ATP9B: variants seen among roughly 807,000 people sequenced by gnomAD.
The protein encoded by ATP9B is probable phospholipid-transporting ATPase IIB.
Under a neutral mutation model 146.1 loss-of-function variants are expected in ATP9B, and 110 were observed. The observed-to-expected ratio is 0.75, with a 90% CI of 0.65 to 0.88. ATP9B has a LOEUF of 0.88. ATP9B is among the 40% of genes least tolerant of loss of function. The pLI, the probability that ATP9B is intolerant of heterozygous loss-of-function variation, is 0.00. For synonymous variants in ATP9B, 604 were observed against 569.7 expected, an observed-to-expected ratio of 1.06 and a Z score of -0.86; for missense variants, 1,499 against 1,496.4, an observed-to-expected ratio of 1.00 and a Z score of -0.03.
At chr18:79,236,518 G>C (rs1169384156) in intron 11 of ATP9B, among the ~76,000 whole-genome samples, 1 of 152,152 alleles carries the variant, frequency 6.6e-6, no homozygotes, top group Non-Finnish European at 1.5e-5. Flanking sequence ...TGTAGGTCAT[G>C]AAGATACTCT....
chr18:79,088,756 C>T (rs931385866), intron 1 of ATP9B, among the ~76,000 whole-genome samples: 2 of 152,168 alleles, frequency 1.3e-5, no homozygotes, highest in Non-Finnish European at 2.9e-5. Context: ...GGATACTATG[C>T]TTTTTGCCAT....
At chr18:79,206,670 G>A (rs2095537147) in intron 9 of ATP9B, among the ~76,000 whole-genome samples, 1 of 149,118 alleles carries the variant, frequency 6.7e-6, no homozygotes, top group African/African-American at 2.5e-5. Context: ...ATATTAGAAG[G>A]TATAGTACTT....
intron 7 of ATP9B, among the ~76,000 whole-genome samples, chr18:79,172,108 C>G (rs974545863): frequency 5.3e-5 from 8 of 152,228 alleles, no homozygotes; most frequent in South Asian, 2.1e-4. Flanking sequence ...AGGCTGGTCT[C>G]GAGCTCCTGA....
chr18:79,261,733 G>C (rs932551197), intron 12 of ATP9B, among the ~76,000 whole-genome samples: 1 of 152,148 alleles, frequency 6.6e-6, no homozygotes, highest in Non-Finnish European at 1.5e-5. Flanking sequence ...GCGTCAGGAA[G>C]GGTGAGATGC....
At chr18:79,088,216 G>T (rs540486040) in intron 1 of ATP9B, among the ~76,000 whole-genome samples, 14 of 152,150 alleles carry the variant, frequency 9.2e-5, no homozygotes, top group Admixed American at 7.9e-4. Context: ...TGCGTTTCCC[G>T]CATTAAACTT....
intron 4 of ATP9B, among the ~76,000 whole-genome samples, chr18:79,125,530 G>GT (rs1401201241): frequency 1.3e-5 from 2 of 152,186 alleles, no homozygotes; most frequent in Non-Finnish European, 2.9e-5. Context: ...CCAGTGTTCT[G>GT]TTATTTACAG....
chr18:79,172,004 T>C (rs1465817303), intron 7 of ATP9B, among the ~76,000 whole-genome samples: 1 of 152,184 alleles, frequency 6.6e-6, no homozygotes, highest in African/African-American at 2.4e-5. Flanking sequence ...TTCTCCTGCC[T>C]CAGCCTCCTG....
At chr18:79,216,043 G>A (rs1428599963) in intron 11 of ATP9B, among the ~76,000 whole-genome samples, 2 of 151,694 alleles carry the variant, frequency 1.3e-5, no homozygotes, top group African/African-American at 4.9e-5. Flanking sequence ...TTTCCTAAAT[G>A]TTACTTTTGC....
intron 11 of ATP9B, among the ~76,000 whole-genome samples, chr18:79,216,650 A>G (rs573942583): frequency 1.3e-5 from 2 of 152,164 alleles, no homozygotes; most frequent in South Asian, 4.2e-4. Flanking sequence ...GTGGCCTAGA[A>G]ATTCTTCCAG....
intron 1 of ATP9B, among the ~76,000 whole-genome samples, chr18:79,073,579 T>C (rs1262328050): frequency 6.6e-6 from 1 of 152,070 alleles, no homozygotes; most frequent in Non-Finnish European, 1.5e-5. Context: ...ATTGCGGCAG[T>C]ACAGTCCAGC....
chr18:79,318,644 C>A (rs933193990), intron 15 of ATP9B, among the ~76,000 whole-genome samples: 3 of 152,222 alleles, frequency 2.0e-5, no homozygotes, highest in Non-Finnish European at 4.4e-5. Flanking sequence ...AAAATGGAAC[C>A]TGCTGCTTGC....
intron 11 of ATP9B, among the ~76,000 whole-genome samples, chr18:79,233,160 C>G (rs938351202): frequency 6.6e-6 from 1 of 151,826 alleles, no homozygotes; most frequent in Non-Finnish European, 1.5e-5. Flanking sequence ...GGTGAAGTGG[C>G]GCACACCTGT....
intron 11 of ATP9B, among the ~76,000 whole-genome samples, chr18:79,237,320 C>CACAGTGGGTGCACAT (rs2095850758): frequency 6.6e-6 from 1 of 150,572 alleles, no homozygotes; most frequent in African/African-American, 2.5e-5. Context: ...AGTGTCCACT[C>CACAGTGGGTGCACAT]CTGCTCCTTC....
chr18:79,090,903 T>G (rs986091658), intron 1 of ATP9B, among the ~76,000 whole-genome samples: 6 of 152,236 alleles, frequency 3.9e-5, no homozygotes, highest in Non-Finnish European at 8.8e-5. Flanking sequence ...TGTAATAGTT[T>G]CATAGTTTGA....
chr18:79,228,018 CATT>C (rs376337952), intron 11 of ATP9B, among the ~76,000 whole-genome samples: 2,062 of 152,338 alleles, frequency 0.014, 27 homozygotes, highest in South Asian at 0.047. Flanking sequence ...AAGACAAAAA[CATT>C]AGGCATTTGA....
intron 9 of ATP9B, among the ~76,000 whole-genome samples, chr18:79,197,754 A>G (rs2095429937): frequency 6.6e-6 from 1 of 152,204 alleles, no homozygotes; most frequent in Non-Finnish European, 1.5e-5. Flanking sequence ...CAAGTAGAAA[A>G]CAAAGAGCAG....
intron 1 of ATP9B, among the ~76,000 whole-genome samples, chr18:79,071,057 T>TTTTTTTTTTC (rs1568351592): frequency 6.6e-6 from 1 of 151,154 alleles, no homozygotes; most frequent in African/African-American, 2.4e-5. Context: ...TTCTTTTTTT[T>TTTTTTTTTTC]TTTTTTTTTG....
At chr18:79,246,381 C>T (rs1276119288) in intron 11 of ATP9B, among the ~76,000 whole-genome samples, 2 of 151,670 alleles carry the variant, frequency 1.3e-5, no homozygotes, top group Non-Finnish European at 2.9e-5. Flanking sequence ...AGGGCACCGC[C>T]CTACTGACTG....
At chr18:79,204,467 A>G (rs1055273912) in intron 9 of ATP9B, among the ~76,000 whole-genome samples, 6 of 152,226 alleles carry the variant, frequency 3.9e-5, no homozygotes, top group Non-Finnish European at 4.4e-5. Flanking sequence ...CCTTGTAAAC[A>G]TGCAAATTTA....
Sources: gnomAD v4.1 joint callset for allele counts (sites outside exome capture counted in the v4.1 genomes callset) on GRCh38, gnomAD v4.1.1 for gene constraint, MANE v1.5 for transcripts, NCBI Gene and HGNC (gene_info 2026-07-23, HGNC 2026-07-21) for gene names.